GRIN2A: variants seen among roughly 807,000 people sequenced by gnomAD.
GRIN2A encodes the protein glutamate receptor ionotropic, NMDA 2A.
GRIN2A carries 22 observed loss-of-function variants against 113.4 expected under a neutral mutation model. The ratio of observed to expected loss-of-function variants is 0.19; its 90% confidence interval spans 0.14 to 0.28. GRIN2A has a LOEUF of 0.28. GRIN2A is among the 10% of genes least tolerant of loss of function. The pLI, the probability that GRIN2A is intolerant of heterozygous loss-of-function variation, is 1.00. For synonymous variants in GRIN2A, 827 were observed against 738.4 expected (o/e 1.12, Z -1.94); for missense variants, 1,502 against 1,887.0 (o/e 0.80, Z 3.78).
At chr16:9,904,694 T>C (rs1421012928) in intron 3 of GRIN2A, among the ~76,000 whole-genome samples, 1 of 152,146 alleles carries the variant, frequency 6.6e-6, no homozygotes. Flanking sequence ...TATAAGGGCA[T>C]TAGTTCCATT....
At position 9,759,661 on chromosome 16, in the gene GRIN2A, A is replaced by C. The variant is rs946778943; in HGVS notation, c.*3488T>G. On this transcript the variant is annotated 3_prime_UTR_variant, in exon 13 of 13. Transcript: ENST00000330684. The stretch of plus-strand genomic sequence containing the variant: ...AATCAGGGAAGAGAAAATCAAGAGT[A>C]ATCCGTGGATGCCCAGTCATGGTGC... The C allele has an allele frequency of 4.3e-6, 1 of 230,256 alleles. No homozygotes were observed. The highest frequency in any genetic ancestry group is 5.7e-5 in the Admixed American group (1 of 17,694). The allele number at this position is 230,256 out of a possible 1,614,324, so 14.3% of individuals were successfully genotyped here.
intron 2 of GRIN2A, among the ~76,000 whole-genome samples, chr16:10,130,786 G>A (rs191057870): frequency 3.9e-5 from 6 of 152,258 alleles, no homozygotes; most frequent in African/African-American, 9.6e-5. Context: ...AAGGGAGTTC[G>A]GGAGCAGCCT....
chr16:10,034,904 C>A (rs1343109763), intron 2 of GRIN2A, among the ~76,000 whole-genome samples: 2 of 152,228 alleles, frequency 1.3e-5, no homozygotes, highest in Non-Finnish European at 2.9e-5. Context: ...ACCCAAATTA[C>A]ACATTGATAC....
intron 4 of GRIN2A, among the ~76,000 whole-genome samples, chr16:9,879,887 G>C (rs1294655653): frequency 6.6e-6 from 1 of 152,182 alleles, no homozygotes; most frequent in Non-Finnish European, 1.5e-5. Context: ...CTCTTCAATA[G>C]TGCCCTGAAG....
intron 2 of GRIN2A, among the ~76,000 whole-genome samples, chr16:10,114,182 C>A (rs889252137): frequency 1.3e-5 from 2 of 152,040 alleles, no homozygotes; most frequent in African/African-American, 4.8e-5. Context: ...CAGAGCAAGA[C>A]CCTGCCTCTA....
Position 9,764,827 on chromosome 16 carries a change from C to A in GRIN2A, c.2717G>T (p.Ser906Ile), listed in dbSNP as rs749220456. 1 of 1,614,176 alleles carries A rather than the reference C, an allele frequency of 6.2e-7. No individual in the cohort carries two copies. The highest frequency in any genetic ancestry group is 1.7e-5 in the Admixed American group (1 of 60,026). ...KLLRSAKNIS[S>I]MSNMNSSRMD... ...TCTTGAGGAGTTCATGTTGGACATGCTGGAAATGTTTTTGGCTGACCGGAG... is the reference window on the plus strand; with the variant it reads ...TCTTGAGGAGTTCATGTTGGACATGATGGAAATGTTTTTGGCTGACCGGAG... Residue 906 changes from serine (S) to isoleucine (I), a missense_variant, in exon 13 of 13, where the codon AGC (serine) becomes ATC (isoleucine). Ser to Ile is a moderately radical substitution (Grantham distance 142). Around this residue, in one of 7 missense-constraint regions of GRIN2A, gnomAD observed 832 missense variants for 789.7 expected, o/e 1.05. Coordinates refer to ENST00000330684, the MANE Select transcript of GRIN2A (RefSeq NM_001134407.3).
chr16:10,009,478 A>G (rs561175883), intron 2 of GRIN2A, among the ~76,000 whole-genome samples: 11 of 152,260 alleles, frequency 7.2e-5, no homozygotes, highest in African/African-American at 2.6e-4. Flanking sequence ...ACTCGAAACC[A>G]TAAGTGCCCT....
intron 2 of GRIN2A, among the ~76,000 whole-genome samples, chr16:10,068,154 AT>A (rs1233412650): frequency 6.6e-6 from 1 of 152,232 alleles, no homozygotes; most frequent in Non-Finnish European, 1.5e-5. Context: ...TTATTTACTA[AT>A]TCACTCAGTT....
intron 2 of GRIN2A, among the ~76,000 whole-genome samples, chr16:10,113,269 G>C (rs1290003064): frequency 1.3e-5 from 2 of 152,060 alleles, no homozygotes; most frequent in African/African-American, 4.8e-5. Flanking sequence ...GTGCTTTCCT[G>C]GCTCTGCCTC....
chr16:9,977,781 G>A (rs754247291), intron 2 of GRIN2A, among the ~76,000 whole-genome samples: 2 of 152,000 alleles, frequency 1.3e-5, no homozygotes, highest in African/African-American at 4.8e-5. Flanking sequence ...CAATTCGGTC[G>A]GCTTTTCCTT....
chr16:10,027,082 G>T (rs2046836248), intron 2 of GRIN2A, among the ~76,000 whole-genome samples: 1 of 152,104 alleles, frequency 6.6e-6, no homozygotes, highest in South Asian at 2.1e-4. Context: ...GTTTCTGTTG[G>T]CCTCTCCTCA....
At chr16:9,854,882 G>A (rs2141381076) in intron 4 of GRIN2A, among the ~76,000 whole-genome samples, 1 of 152,212 alleles carries the variant, frequency 6.6e-6, no homozygotes, top group African/African-American at 2.4e-5. Context: ...AAATCATACA[G>A]TCCTTGTCAA....
intron 2 of GRIN2A, among the ~76,000 whole-genome samples, chr16:10,154,980 A>C (rs1031574670): frequency 6.6e-6 from 1 of 152,256 alleles, no homozygotes; most frequent in Non-Finnish European, 1.5e-5. Context: ...TCGTTCAAAC[A>C]GCAGGAAATA....
In GRIN2A at chr16:10,110,422, G is replaced by A. The variant is rs374934402; in HGVS notation, c.414+69576C>T. ...ACATGGTTTTTACCTGGGGAATGTCGTGGAACTGTTTGTTTTAATAAAGAT... is the reference window on the plus strand; with the variant it reads ...ACATGGTTTTTACCTGGGGAATGTCATGGAACTGTTTGTTTTAATAAAGAT... On this transcript the variant is annotated intron_variant, in intron 2 of 12. Coordinates refer to ENST00000330684, the MANE Select transcript of GRIN2A (RefSeq NM_001134407.3). Among the ~76,000 whole-genome samples the A allele has an allele frequency of 7.4e-4, 113 of 152,290 alleles. 1 individual carries two copies. The highest frequency in any genetic ancestry group is 2.7e-3 in the African/African-American group (111 of 41,558).
intron 2 of GRIN2A, among the ~76,000 whole-genome samples, chr16:10,085,134 G>A (rs572430566): frequency 2.6e-5 from 4 of 152,322 alleles, no homozygotes; most frequent in African/African-American, 7.2e-5. Flanking sequence ...ACAGAGTAAG[G>A]ATTTGTCAAC....
chr16:9,802,431 G>A (rs1228197189), intron 10 of GRIN2A, among the ~76,000 whole-genome samples: 2 of 152,174 alleles, frequency 1.3e-5, no homozygotes, highest in Non-Finnish European at 2.9e-5. Context: ...GCAAACTGAT[G>A]CAGGAACAAA....
At chr16:10,036,437 C>CTTTTTTTTT (rs1360199200) in intron 2 of GRIN2A, among the ~76,000 whole-genome samples, 1 of 92,670 alleles carries the variant, frequency 1.1e-5, no homozygotes, top group Non-Finnish European at 2.3e-5. Context: ...TTAGTACTTA[C>CTTTTTTTTT]TTTTTTTTTT....
intron 2 of GRIN2A, among the ~76,000 whole-genome samples, chr16:10,165,543 G>T (rs780495223): frequency 2.1e-5 from 3 of 142,738 alleles, no homozygotes; most frequent in African/African-American, 7.7e-5. Flanking sequence ...TATATATACT[G>T]ACATATTTAC....
chr16:10,179,570 G>GA (rs1388774175), intron 2 of GRIN2A: 1 of 207,264 alleles, frequency 4.8e-6, no homozygotes, highest in African/African-American at 2.3e-5. Context: ...ACCATAAGAG[G>GA]AAAAAATGGA....
Sources: gnomAD v4.1 joint callset for allele counts (sites outside exome capture counted in the v4.1 genomes callset) on GRCh38, gnomAD v4.1.1 for gene constraint, gnomAD v4.1.1 regional missense constraint, MANE v1.5 for transcripts, NCBI Gene and HGNC (gene_info 2026-07-23, HGNC 2026-07-21) for gene names.